DOCK7: variants seen among roughly 807,000 people sequenced by gnomAD.
The protein encoded by DOCK7 is dedicator of cytokinesis 7.
In DOCK7, 138 loss-of-function variants were observed where a neutral mutation model predicts 271.0. The observed-to-expected ratio is 0.51, with a 90% CI of 0.44 to 0.59. The LOEUF (loss-of-function observed/expected upper bound fraction) is 0.59, where lower values mean the gene tolerates loss of function less well. Ranked by LOEUF, DOCK7 falls within the 20% of genes least tolerant of loss-of-function variation. DOCK7 has a pLI of 0.00. For missense variants in DOCK7, 2,066 were observed against 2,592.4 expected (o/e 0.80, Z 4.41); for synonymous variants, 823 against 876.1 (o/e 0.94, Z 1.07).
At chr1:62,489,949 C>T (rs1170569471) in intron 41 of DOCK7, among the ~76,000 whole-genome samples, 1 of 152,066 alleles carries the variant, frequency 6.6e-6, no homozygotes, top group Non-Finnish European at 1.5e-5. Flanking sequence ...AAGTTTTGAG[C>T]CACCAGATTT....
chr1:62,457,786 T>C lies in DOCK7; in HGVS notation c.6213-81A>G, dbSNP rs542050347. ...ATGCCATACACACGCAAAATACATA[T>C]ACATATATATGTGGGCTTAATGACA... On this transcript the variant is annotated intron_variant, in intron 48 of 49. Transcript: ENST00000635253. 5.4e-6 allele frequency: 7 copies of C among 1,298,386 alleles called. No homozygotes were observed. The African/African-American group carries it at 5.9e-5, about 11-fold the overall frequency. The allele number at this position is 1,298,386 out of a possible 1,614,324, so 80.4% of individuals were successfully genotyped here. A position where few individuals can be genotyped will look rare whatever the true frequency, so the allele number is the denominator to read the frequency against.
At chr1:62,650,716 A>C (rs1363817452) in intron 4 of DOCK7, among the ~76,000 whole-genome samples, 1 of 152,238 alleles carries the variant, frequency 6.6e-6, no homozygotes, top group Non-Finnish European at 1.5e-5. Context: ...ACTGGCCATC[A>C]GAGAAATGCA....
At chr1:62,467,533 A>G (rs916202526) in intron 48 of DOCK7, among the ~76,000 whole-genome samples, 3 of 152,238 alleles carry the variant, frequency 2.0e-5, no homozygotes, top group African/African-American at 4.8e-5. Flanking sequence ...ACTGTTTATG[A>G]TAAGGGCACA....
At chr1:62,520,406 G>A (rs1168049) in intron 31 of DOCK7, among the ~76,000 whole-genome samples, 149,902 of 152,258 alleles carry the variant, frequency 0.98, 73,837 homozygotes, top group Middle Eastern at 1. Context: ...AATTTACAAG[G>A]AAAAAACAAC....
intron 31 of DOCK7, among the ~76,000 whole-genome samples, chr1:62,515,722 T>TG (rs1644641643): frequency 6.6e-6 from 1 of 152,176 alleles, no homozygotes; most frequent in African/African-American, 2.4e-5. Flanking sequence ...CTTTGACCAA[T>TG]GATTTTTAAA....
At position 62,652,456 on chromosome 1, in the gene DOCK7, T is replaced by A. The variant is rs79580427; in HGVS notation, c.389+1269A>T. Among the ~76,000 whole-genome samples, 1,439 of 152,234 alleles carry A rather than the reference T, an allele frequency of 9.5e-3. 32 individuals are homozygous for A. The highest frequency in any genetic ancestry group is 0.032 in the African/African-American group (1,340 of 41,546). On this transcript the variant is annotated intron_variant, in intron 4 of 49. Coordinates refer to ENST00000635253, the MANE Select transcript of DOCK7 (RefSeq NM_001367561.1). ...CTATATTCCAATCCTGACTACTCTA[T>A]TTTTTGGTTTGTGGGATCTCAGAGA...
chr1:62,532,055 A>T (rs952997755), intron 29 of DOCK7, among the ~76,000 whole-genome samples: 12 of 126,372 alleles, frequency 9.5e-5, no homozygotes, highest in South Asian at 2.7e-4. Context: ...CATGGCTGTT[A>T]TTTATGAGAC....
intron 14 of DOCK7, among the ~76,000 whole-genome samples, chr1:62,613,431 G>A (rs192243208): frequency 3.3e-5 from 5 of 152,238 alleles, no homozygotes; most frequent in East Asian, 3.9e-4. Flanking sequence ...GTAGGGAGGC[G>A]CGGGGAACGA....
chr1:62,501,173 T>G (rs1646772818), intron 37 of DOCK7, among the ~76,000 whole-genome samples: 1 of 152,092 alleles, frequency 6.6e-6, no homozygotes, highest in Non-Finnish European at 1.5e-5. Context: ...CAAAGTGAGT[T>G]CCTGTCTCGA....
chr1:62,584,452 T>A (rs926952493), intron 15 of DOCK7: 30 of 1,027,640 alleles, frequency 2.9e-5, no homozygotes, highest in Non-Finnish European at 3.4e-5. Context: ...TTATATACTC[T>A]TTCAAATCAG....
At chr1:62,529,060 TTTTAAA>T (rs1645098027) in intron 30 of DOCK7, among the ~76,000 whole-genome samples, 1 of 152,212 alleles carries the variant, frequency 6.6e-6, no homozygotes, top group South Asian at 2.1e-4. Context: ...AAATCATTAT[TTTTAAA>T]TTCATCATAA....
intron 27 of DOCK7, among the ~76,000 whole-genome samples, chr1:62,538,284 C>T (rs1645411881): frequency 6.6e-6 from 1 of 152,176 alleles, no homozygotes; most frequent in African/African-American, 2.4e-5. Context: ...CTAAAAGCCA[C>T]ATTCTTGTAT....
chr1:62,598,870 A>G, intron 14 of DOCK7: 2 of 965,488 alleles, frequency 2.1e-6, no homozygotes, highest in Non-Finnish European at 3.3e-6. Context: ...ACTGAATCCT[A>G]AAATTATTTA....
chr1:62,671,628 G>A (rs765243846), intron 1 of DOCK7, among the ~76,000 whole-genome samples: 41 of 151,800 alleles, frequency 2.7e-4, no homozygotes, highest in Admixed American at 3.9e-4. Context: ...TGATTAAAAG[G>A]GAAGAAAAAA....
At chr1:62,653,142 C>T (rs144955873) in intron 4 of DOCK7, among the ~76,000 whole-genome samples, 8 of 152,270 alleles carry the variant, frequency 5.3e-5, no homozygotes, top group African/African-American at 1.9e-4. Context: ...CTCCATTATG[C>T]AAATTAGCAA....
rs1646247569 is a variant in DOCK7 at position 62,559,354 on chromosome 1, T to C, written c.2200-134A>G. ...AGTTCAAGTAGGTATACAAACATTG[T>C]TTCCAATTAAACAAATCTATTTTCA... is the stretch of plus-strand genomic sequence containing the variant. On this transcript the variant is annotated intron_variant, in intron 19 of 49. Coordinates refer to ENST00000635253, the MANE Select transcript of DOCK7 (RefSeq NM_001367561.1). The C allele has an allele frequency of 1.2e-5, 7 of 568,610 alleles. No individual in the cohort carries two copies. In the South Asian group the frequency reaches 2.0e-4, roughly 16 times the overall value. 35.2% of individuals were successfully genotyped at this position (568,610 alleles called of 1,614,324 possible).
chr1:62,542,818 T>A (rs757573899), intron 24 of DOCK7, 115 bp from the exon 25 acceptor site: 58 of 894,306 alleles, frequency 6.5e-5, no homozygotes, highest in Non-Finnish European at 5.9e-5. Context: ...ATAAGGCACG[T>A]GAACCATTCA....
At chr1:62,610,884 C>T (rs1156398213) in intron 14 of DOCK7, among the ~76,000 whole-genome samples, 2 of 152,118 alleles carry the variant, frequency 1.3e-5, no homozygotes, top group Non-Finnish European at 2.9e-5. Flanking sequence ...TGGGTTGGTT[C>T]CAAGTCTTTG....
At chr1:62,477,336 G>T (rs10889331) in intron 44 of DOCK7, among the ~76,000 whole-genome samples, 87,440 of 151,922 alleles carry the variant, frequency 0.58, 26,840 homozygotes, top group East Asian at 0.75. Context: ...GCTTGGGTCA[G>T]AAATTTCTTA....
Sources: allele counts gnomAD v4.1 joint callset (sites outside exome capture counted in the v4.1 genomes callset), GRCh38; gene constraint gnomAD v4.1.1; transcripts MANE v1.5; gene names NCBI Gene and HGNC (gene_info 2026-07-23, HGNC 2026-07-21).